HPS4: variants seen among roughly 807,000 people sequenced by gnomAD.
The protein encoded by HPS4 is BLOC-3 complex member HPS4.
HPS4 carries 44 observed loss-of-function variants against 70.3 expected under a neutral mutation model. The observed-to-expected ratio is 0.63, with a 90% CI of 0.49 to 0.80. HPS4 has a LOEUF of 0.80. Among genes scored for constraint, HPS4 ranks in the 30% least tolerant of loss-of-function variants. HPS4 has a pLI of 0.00. For missense variants in HPS4, 873 were observed against 884.4 expected (o/e 0.99, Z 0.16); for synonymous variants, 377 against 355.9 (o/e 1.06, Z -0.67).
chr22:26,469,096 C>A (rs934625210), intron 7 of HPS4, among the ~76,000 whole-genome samples: 7 of 151,938 alleles, frequency 4.6e-5, no homozygotes, highest in African/African-American at 1.7e-4. Context: ...CCAGTGGGGA[C>A]AAACACACAG....
At chr22:26,448,988 G>A (rs947560361), downstream of HPS4, among the ~76,000 whole-genome samples, 2 of 152,174 alleles carry the variant, frequency 1.3e-5, no homozygotes, top group African/African-American at 4.8e-5. Context: ...CCCAGGAGCA[G>A]CGGTGGGTTC....
At chr22:26,476,885 G>A (rs1362459114) in intron 4 of HPS4, 108 bp downstream of exon 4, 1 of 1,178,950 alleles carries the variant, frequency 8.5e-7, no homozygotes, top group Non-Finnish European at 1.3e-6. Flanking sequence ...ACAGTACATG[G>A]ATGAGGTTGG....
chr22:26,443,173 G>A (rs749581355), downstream of HPS4: 3 of 1,614,186 alleles, frequency 1.9e-6, no homozygotes, highest in South Asian at 3.3e-5. Context: ...CCGAACGGCA[G>A]GCTCTTGATT....
chr22:26,479,800 A>G, intron 2 of HPS4: 1 of 524,844 alleles, frequency 1.9e-6, no homozygotes, highest in Non-Finnish European at 2.5e-6. Context: ...GAATTCATGC[A>G]TTCACTTAAA....
chr22:26,452,004 GCACACACACACA>G lies in HPS4; in HGVS notation c.*1217_*1228del, dbSNP rs134978. The G allele has an allele frequency of 4.7e-5, 5 of 106,154 alleles. No individual in the cohort carries two copies. Among genetic ancestry groups the G allele is most frequent in the South Asian group, 2.3e-4 (1 of 4,324 alleles). The allele number at this position is 106,154 out of a possible 1,614,324, so 6.6% of individuals were successfully genotyped here. ...CCACGTTACGCGCGCGCGCGCGCGC[GCACACACACACA>G]CACACACACACACACACACACACAC... On this transcript the variant is annotated 3_prime_UTR_variant, in exon 14 of 14. Coordinates refer to ENST00000398145, the MANE Select transcript of HPS4 (RefSeq NM_022081.6).
At position 26,472,799 on chromosome 22, in the gene HPS4, CCAATGTAAGACTCCT is replaced by C; in HGVS notation, c.384+18_384+32del. ...GCAATACCGGTTTTTATAAAGAGGC[CCAATGTAAGACTCCT>C]CAACCCCATACTTGTACCTCATAAG... On this transcript the variant is annotated intron_variant, in intron 5 of 13. Transcript: ENST00000398145. The C allele has an allele frequency of 1.3e-6, 2 of 1,487,958 alleles. No individual in the cohort carries two copies. The highest frequency in any genetic ancestry group is 2.3e-5 in the South Asian group (2 of 88,552). The allele number at this position is 1,487,958 out of a possible 1,614,324, so 92.2% of individuals were successfully genotyped here.
At position 26,483,748 on chromosome 22, in the gene HPS4, C is replaced by A; in HGVS notation, c.-553G>T. The A allele has an allele frequency of 4.0e-6, 2 of 494,890 alleles. No homozygotes were observed. The highest frequency in any genetic ancestry group is 6.5e-6 in the Non-Finnish European group (2 of 309,322). 30.7% of individuals were successfully genotyped at this position (494,890 alleles called of 1,614,324 possible). On this transcript the variant is annotated 5_prime_UTR_variant, in exon 1 of 14. Transcript: ENST00000398145. ...AATGTGGGCAGCAGCTGGGTACCTG[C>A]GACTTCTGCCCCGTACCTGCGCGCG... is the stretch of plus-strand genomic sequence containing the variant.
In HPS4 at chr22:26,452,285, G is replaced by A. The variant is rs1247430686; in HGVS notation, c.*948C>T. On this transcript the variant is annotated 3_prime_UTR_variant, in exon 14 of 14. Coordinates refer to ENST00000398145, the MANE Select transcript of HPS4 (RefSeq NM_022081.6). ...TTTTGACAAATATTTTCATCCTGCA[G>A]TCTGTCTCATACTGTCAAAAAAATG... 2 of 443,674 alleles carry A rather than the reference G, an allele frequency of 4.5e-6. No individual in the cohort carries two copies. The highest frequency in any genetic ancestry group is 9.0e-6 in the Non-Finnish European group (2 of 223,302). 27.5% of individuals were successfully genotyped at this position (443,674 alleles called of 1,614,324 possible).
At position 26,457,958 on chromosome 22, in the gene HPS4, G is replaced by A. The variant is rs374238081; in HGVS notation, c.1856C>T (p.Pro619Leu). 33 of 1,613,078 alleles carry A rather than the reference G, an allele frequency of 2.0e-5. No homozygotes were observed. Among genetic ancestry groups the A allele is most frequent in the East Asian group, 1.3e-4 (6 of 44,888 alleles). The change falls in exon 13 of 14, where the codon CCG (proline) becomes CTG (leucine). Residue 619 changes from proline to leucine, a missense_variant. By Grantham distance (98) the Pro-to-Leu change is moderately conservative. Coordinates refer to ENST00000398145, the MANE Select transcript of HPS4 (RefSeq NM_022081.6). ...RIQSLLMANLPQVATPQDRRF... is the reference protein window; with the variant it reads ...RIQSLLMANLLQVATPQDRRF... Reference sequence around the variant, plus strand: ...GCGATCCTGCGGGGTGGCCACCTGCGGCAGGTTTGCTTCCAGAAGAGGACA... The same window carrying A: ...GCGATCCTGCGGGGTGGCCACCTGCAGCAGGTTTGCTTCCAGAAGAGGACA...
Position 26,453,258 on chromosome 22 carries a change from A to G in HPS4, c.2102T>C (p.Leu701Pro). The stretch of plus-strand genomic sequence containing the variant: ...TCAGAGCAAGTTCACCCCGTGCTTC[A>G]GCAGCTTCTGCTTTGCTTTGCCGGA... ...SLSGKAKQKL[L>P]KHGVNLL Residue 701 changes from leucine to proline, a missense_variant, in exon 14 of 14, where the codon CTG (leucine) becomes CCG (proline). Coordinates refer to ENST00000398145, the MANE Select transcript of HPS4 (RefSeq NM_022081.6). The G allele has an allele frequency of 6.2e-7, 1 of 1,614,214 alleles. No individual in the cohort carries two copies. Among genetic ancestry groups the G allele is most frequent in the South Asian group, 1.1e-5 (1 of 91,080 alleles).
intron 9 of HPS4, 25 bp downstream of exon 9, chr22:26,466,201 G>A (rs1256017112): frequency 3.7e-6 from 6 of 1,614,058 alleles, no homozygotes; most frequent in South Asian, 1.1e-5. Flanking sequence ...GTTCTCAAGA[G>A]GCAACCATGC....
At chr22:26,471,167 T>G (rs1602005962) in intron 6 of HPS4, 1 of 402,010 alleles carries the variant, frequency 2.5e-6, no homozygotes, top group Non-Finnish European at 4.8e-6. Context: ...AAGAGGAGGG[T>G]GTATCCTATA....
chr22:26,469,553 A>G (rs987221125), intron 7 of HPS4, among the ~76,000 whole-genome samples: 4 of 152,000 alleles, frequency 2.6e-5, no homozygotes, highest in Non-Finnish European at 5.9e-5. Context: ...GTATTCATGT[A>G]TTAGCCGTAT....
intron 13 of HPS4, among the ~76,000 whole-genome samples, chr22:26,454,987 A>G (rs1364424083): frequency 2.0e-5 from 3 of 152,248 alleles, no homozygotes; most frequent in Non-Finnish European, 4.4e-5. Flanking sequence ...AAAAATGCTC[A>G]TCATCACTGG....
intron 4 of HPS4, among the ~76,000 whole-genome samples, chr22:26,473,694 G>T (rs1283611154): frequency 1.3e-5 from 2 of 152,002 alleles, no homozygotes; most frequent in Non-Finnish European, 2.9e-5. Context: ...AGCGAGCCGA[G>T]ATTGCGCTAC....
intron 8 of HPS4, chr22:26,467,625 A>C (rs1417074227): frequency 2.0e-5 from 3 of 152,250 alleles, no homozygotes; most frequent in African/African-American, 7.2e-5. Context: ...GTGGCTGAGG[A>C]GGCTGAATAG....
rs1412129251 is a variant in HPS4, at chr22:26,479,170, G to A, written c.132+95C>T. 3.4e-6 allele frequency: 4 copies of A among 1,176,358 alleles called. No individual in the cohort carries two copies. The African/African-American group carries it at 6.1e-5, about 18-fold the overall frequency. The allele number at this position is 1,176,358 out of a possible 1,614,324, so 72.9% of individuals were successfully genotyped here. On this transcript the variant is annotated intron_variant, in intron 3 of 13. Coordinates refer to ENST00000398145, the MANE Select transcript of HPS4 (RefSeq NM_022081.6). ...AGTAGAAATGTCATTGTCTGGATTA[G>A]CCAAACTGTCCTAATGTAAACCCCA...
intron 5 of HPS4, 106 bp downstream of exon 5, chr22:26,472,726 T>C (rs1280155443): frequency 6.6e-6 from 6 of 909,782 alleles, no homozygotes; most frequent in Middle Eastern, 2.1e-4. Context: ...CCAGACACAA[T>C]GTGTTTATAT....
At chr22:26,469,677 C>T (rs1203488420) in intron 7 of HPS4, among the ~76,000 whole-genome samples, 1 of 140,894 alleles carries the variant, frequency 7.1e-6, no homozygotes, top group African/African-American at 2.6e-5. Context: ...ATAGCAAGAC[C>T]TCGTCCCTAC....
Sources: allele counts gnomAD v4.1 joint callset (sites outside exome capture counted in the v4.1 genomes callset), GRCh38; gene constraint gnomAD v4.1.1; transcripts MANE v1.5; gene names NCBI Gene and HGNC (gene_info 2026-07-23, HGNC 2026-07-21).